The following AGBL1 variants were observed in gnomAD, a reference collection of about 807,000 sequenced individuals.
The protein encoded by AGBL1 is AGBL carboxypeptidase 1, also known as cytosolic carboxypeptidase 4.
In AGBL1, 130 loss-of-function variants were observed where a neutral mutation model predicts 118.9. The ratio of observed to expected loss-of-function variants is 1.09; its 90% CI spans 0.95 to 1.26. The LOEUF (loss-of-function observed/expected upper bound fraction) is 1.26. Ranked by LOEUF, AGBL1 falls within the 50% of genes most tolerant of loss-of-function variation. AGBL1 has a pLI of 0.00. For missense variants in AGBL1, 1,584 were observed against 1,298.1 expected (o/e 1.22, Z -3.38); for synonymous variants, 555 against 478.9 (o/e 1.16, Z -2.08).
chr15:86,221,350 A>G (rs910165787), intron 5 of AGBL1, among the ~76,000 whole-genome samples: 3 of 152,222 alleles, frequency 2.0e-5, no homozygotes, highest in African/African-American at 7.2e-5. Flanking sequence ...CGCACTCAAT[A>G]CAATGGGCTT....
At chr15:86,702,719 C>T (rs2142651130) in intron 22 of AGBL1, among the ~76,000 whole-genome samples, 1 of 152,238 alleles carries the variant, frequency 6.6e-6, no homozygotes, top group African/African-American at 2.4e-5. Flanking sequence ...ACTTTTCTTG[C>T]ATCTCCTATG....
chr15:86,410,838 AT>A lies in AGBL1; in HGVS notation c.2555+13293del, dbSNP rs1567242874. On this transcript the variant is annotated intron_variant, in intron 18 of 22. Coordinates refer to ENST00000614907, the MANE Select transcript of AGBL1 (RefSeq NM_001386094.1). ...TATATATATATATATATATATATATATATAATATACTATTTTATATATAAAA... is the reference window on the plus strand; with the variant it reads ...TATATATATATATATATATATATATAATAATATACTATTTTATATATAAAA... 5.1e-3 allele frequency among the ~76,000 whole-genome samples: 521 copies of A among 102,472 alleles called. 16 individuals are homozygous for A. Among genetic ancestry groups the A allele is most frequent in the African/African-American group, 0.016 (362 of 22,642 alleles). 67.2% of individuals were successfully genotyped at this position (102,472 alleles called of 152,430 possible).
chr15:86,833,378 A>C (rs998987443), intron 22 of AGBL1, among the ~76,000 whole-genome samples: 4 of 152,028 alleles, frequency 2.6e-5, no homozygotes, highest in African/African-American at 9.7e-5. Flanking sequence ...GAGGTAATTG[A>C]ATCATGGGGG....
chr15:86,097,097 G>A (rs1302343930), intron 1 of AGBL1, among the ~76,000 whole-genome samples: 1 of 152,180 alleles, frequency 6.6e-6, no homozygotes, highest in Non-Finnish European at 1.5e-5. Context: ...ATCAGGAGCA[G>A]AGTTTTGAGT....
At chr15:86,951,931 C>CT (rs2080884357) in intron 23 of AGBL1, among the ~76,000 whole-genome samples, 1 of 152,026 alleles carries the variant, frequency 6.6e-6, no homozygotes, top group Admixed American at 6.6e-5. Flanking sequence ...ACTTTGTCTG[C>CT]TGTTAATATA....
At chr15:86,127,241 G>A (rs2076759079) in intron 1 of AGBL1, among the ~76,000 whole-genome samples, 1 of 152,160 alleles carries the variant, frequency 6.6e-6, no homozygotes, top group African/African-American at 2.4e-5. Context: ...GACATAGGTT[G>A]TATGATTTAC....
intron 6 of AGBL1, among the ~76,000 whole-genome samples, chr15:86,246,909 A>G (rs867698036): frequency 1.3e-5 from 2 of 152,084 alleles, no homozygotes; most frequent in Admixed American, 6.5e-5. Context: ...CTCCGGGTCC[A>G]CTGAAGTTCA....
chr15:86,968,600 C>T (rs1447983574), intron 23 of AGBL1, among the ~76,000 whole-genome samples: 2 of 151,910 alleles, frequency 1.3e-5, no homozygotes, highest in Non-Finnish European at 2.9e-5. Flanking sequence ...GTCTGATTTT[C>T]ATCTTACCCT....
rs896566146 is a variant in AGBL1, at chr15:86,662,902, G to T, written c.2995-11371G>T. Among the ~76,000 whole-genome samples the T allele has an allele frequency of 2.0e-5, 3 of 151,914 alleles. No individual in the cohort carries two copies. In the East Asian group the frequency reaches 5.9e-4, roughly 30 times the overall value. ...CAGACACCATATGGAAGATTAGGGA[G>T]CAACATCTTCATATTAAAATTATTT... On this transcript the variant is annotated intron_variant, in intron 21 of 22. Transcript: ENST00000614907.
At chr15:86,883,592 C>G (rs2079926605) in intron 22 of AGBL1, among the ~76,000 whole-genome samples, 1 of 152,184 alleles carries the variant, frequency 6.6e-6, no homozygotes, top group African/African-American at 2.4e-5. Flanking sequence ...CTAGAACATT[C>G]ACCAAACTCT....
intron 7 of AGBL1, among the ~76,000 whole-genome samples, chr15:86,251,799 A>G (rs2078819692): frequency 6.8e-6 from 1 of 147,260 alleles, no homozygotes; most frequent in Non-Finnish European, 1.5e-5. Flanking sequence ...AGGAAGACGG[A>G]TGACAATTTG....
At chr15:86,866,392 G>A (rs1459227147) in intron 22 of AGBL1, among the ~76,000 whole-genome samples, 1 of 152,182 alleles carries the variant, frequency 6.6e-6, no homozygotes, top group African/African-American at 2.4e-5. Flanking sequence ...CTCAAAGGAG[G>A]TATGCAAACT....
At chr15:86,964,333 A>G (rs1342588026) in intron 23 of AGBL1, among the ~76,000 whole-genome samples, 2 of 151,820 alleles carry the variant, frequency 1.3e-5, no homozygotes, top group Non-Finnish European at 1.5e-5. Context: ...GGGTTATGCT[A>G]TGTATTGTAA....
chr15:86,624,977 A>T (rs571042598), intron 21 of AGBL1, among the ~76,000 whole-genome samples: 1 of 152,280 alleles, frequency 6.6e-6, no homozygotes, highest in African/African-American at 2.4e-5. Context: ...TCTTGGTCTA[A>T]CGGAGGGGAT....
intron 15 of AGBL1, among the ~76,000 whole-genome samples, chr15:86,274,165 A>G (rs2079207335): frequency 1.3e-5 from 2 of 152,234 alleles, no homozygotes; most frequent in Admixed American, 1.3e-4. Context: ...ATAATAGTTT[A>G]TATCTACCTA....
At chr15:86,376,587 T>C (rs2081043685) in intron 17 of AGBL1, among the ~76,000 whole-genome samples, 1 of 152,220 alleles carries the variant, frequency 6.6e-6, no homozygotes, top group South Asian at 2.1e-4. Context: ...GGGAAGCTCA[T>C]CCAGTCCTTG....
At chr15:86,690,112 T>C (rs1596372869) in intron 22 of AGBL1, among the ~76,000 whole-genome samples, 1 of 152,184 alleles carries the variant, frequency 6.6e-6, no homozygotes, top group Non-Finnish European at 1.5e-5. Flanking sequence ...GTGGATTGAC[T>C]GCATAATGGT....
At chr15:86,720,695 C>T (rs959757912) in intron 22 of AGBL1, among the ~76,000 whole-genome samples, 65 of 151,904 alleles carry the variant, frequency 4.3e-4, no homozygotes, top group Middle Eastern at 3.4e-3. Context: ...GTGAGTATAC[C>T]GATGGGCCAT....
intron 22 of AGBL1, among the ~76,000 whole-genome samples, chr15:86,702,574 T>G (rs190767165): frequency 6.6e-6 from 1 of 152,304 alleles, no homozygotes; most frequent in East Asian, 1.9e-4. Context: ...CCATAGGAAC[T>G]ACTTTCAACA....
Sources: allele counts gnomAD v4.1 joint callset (sites outside exome capture counted in the v4.1 genomes callset), GRCh38; gene constraint gnomAD v4.1.1; transcripts MANE v1.5; gene names NCBI Gene and HGNC (gene_info 2026-07-23, HGNC 2026-07-21).